The following MYRIP variants were observed in gnomAD, a reference collection of about 807,000 sequenced individuals.
MYRIP encodes rab effector MyRIP.
Under a neutral mutation model 98.0 loss-of-function variants are expected in MYRIP, and 49 were observed. The ratio of observed to expected loss-of-function variants is 0.50; its 90% confidence interval spans 0.40 to 0.63. The LOEUF (loss-of-function observed/expected upper bound fraction) is 0.63. Ranked by LOEUF, MYRIP falls within the 30% of genes least tolerant of loss-of-function variation. MYRIP has a pLI of 0.00. For missense variants in MYRIP, 1,004 were observed against 1,058.2 expected, an observed-to-expected ratio of 0.95 and a Z score of 0.71; for synonymous variants, 404 against 409.5, an observed-to-expected ratio of 0.99 and a Z score of 0.16.
intron 8 of MYRIP, among the ~76,000 whole-genome samples, chr3:40,170,363 T>G (rs914553501): frequency 2.1e-4 from 32 of 152,216 alleles, no homozygotes; most frequent in African/African-American, 7.5e-4. Context: ...GGCTGCATTT[T>G]TTTTTCATTC....
intron 5 of MYRIP, among the ~76,000 whole-genome samples, chr3:40,165,507 A>C (rs557821669): frequency 3.2e-4 from 48 of 152,316 alleles, no homozygotes; most frequent in African/African-American, 1.1e-3. Flanking sequence ...GGAGATTATA[A>C]ATGGAAACAG....
intron 2 of MYRIP, among the ~76,000 whole-genome samples, chr3:39,934,700 T>G (rs904601375): frequency 6.6e-6 from 1 of 152,212 alleles, no homozygotes; most frequent in Admixed American, 6.5e-5. Context: ...AGTGACTGAC[T>G]TATTCTTTCT....
chr3:39,983,772 C>T lies in MYRIP; in HGVS notation c.111-60278C>T, dbSNP rs532667152. On this transcript the variant is annotated intron_variant, in intron 2 of 16. Transcript: ENST00000302541. ...GCTCTAAGAAAAATAATAGTAGGGA[C>T]GCATTCTTTATAAAATACTTGAGAA... 1.3e-4 allele frequency among the ~76,000 whole-genome samples: 20 copies of T among 152,084 alleles called. 1 individual carries two copies. The highest frequency in any genetic ancestry group is 1.7e-4 in the African/African-American group (7 of 41,406).
At chr3:40,021,035 A>C (rs1345389680) in intron 2 of MYRIP, among the ~76,000 whole-genome samples, 1 of 152,174 alleles carries the variant, frequency 6.6e-6, no homozygotes, top group Non-Finnish European at 1.5e-5. Flanking sequence ...AATTCTGCCA[A>C]ATGCCTCACA....
At chr3:40,148,042 A>T (rs754731784) in intron 3 of MYRIP, among the ~76,000 whole-genome samples, 1 of 152,194 alleles carries the variant, frequency 6.6e-6, no homozygotes, top group Non-Finnish European at 1.5e-5. Context: ...TCTTGTGATG[A>T]TGGTTTGGCT....
intron 3 of MYRIP, among the ~76,000 whole-genome samples, chr3:40,110,967 C>T (rs567704152): frequency 2.0e-5 from 3 of 151,140 alleles, no homozygotes; most frequent in South Asian, 2.1e-4. Context: ...AGATCAATTG[C>T]GCATCTTAAT....
intron 2 of MYRIP, among the ~76,000 whole-genome samples, chr3:39,943,555 C>T (rs1313734682): frequency 6.6e-6 from 1 of 152,040 alleles, no homozygotes; most frequent in East Asian, 1.9e-4. Flanking sequence ...GCTTTCCTGT[C>T]TGTTTTCCAT....
chr3:40,126,184 T>A (rs1446811576), intron 3 of MYRIP, among the ~76,000 whole-genome samples: 1 of 152,146 alleles, frequency 6.6e-6, no homozygotes, highest in African/African-American at 2.4e-5. Flanking sequence ...ACTCGCAGCA[T>A]CACATCACCT....
In MYRIP at chr3:40,204,031, ATTATATAT is replaced by A. The variant is rs1951688900; in HGVS notation, c.1666-5821_1666-5814del. On this transcript the variant is annotated intron_variant, in intron 10 of 16. Transcript: ENST00000302541. ...ATTATATATAATATATATTATATAT[ATTATATAT>A]TATATATAATATATTTATATATAAT... is the stretch of plus-strand genomic sequence containing the variant. 3.2e-4 allele frequency among the ~76,000 whole-genome samples: 2 copies of A among 6,266 alleles called. 1 individual carries two copies. Among genetic ancestry groups the A allele is most frequent in the Non-Finnish European group, 7.3e-4 (2 of 2,736 alleles). 4.1% of individuals were successfully genotyped at this position (6,266 alleles called of 152,430 possible). A position where few individuals can be genotyped will look rare whatever the true frequency, so the allele number is the denominator to read the frequency against.
At chr3:40,225,972 G>A (rs1952477446) in intron 11 of MYRIP, among the ~76,000 whole-genome samples, 1 of 152,034 alleles carries the variant, frequency 6.6e-6, no homozygotes, top group African/African-American at 2.4e-5. Context: ...GTCCCTAATA[G>A]TTCCCCCTAA....
chr3:39,815,025 A>G (rs1470105151), intron 1 of MYRIP, among the ~76,000 whole-genome samples: 2 of 152,208 alleles, frequency 1.3e-5, no homozygotes, highest in Non-Finnish European at 2.9e-5. Context: ...GTCACATACT[A>G]TACAATTCAC....
At chr3:39,952,858 A>G (rs1945059884) in intron 2 of MYRIP, among the ~76,000 whole-genome samples, 1 of 152,146 alleles carries the variant, frequency 6.6e-6, no homozygotes, top group South Asian at 2.1e-4. Context: ...GCCACTGAGT[A>G]TGTGTGCAGC....
intron 1 of MYRIP, among the ~76,000 whole-genome samples, chr3:39,891,646 G>A (rs530368094): frequency 6.6e-4 from 101 of 152,146 alleles, no homozygotes; most frequent in African/African-American, 2.2e-3. Flanking sequence ...TTGAAAAGTT[G>A]CATCAGTTCA....
intron 3 of MYRIP, among the ~76,000 whole-genome samples, chr3:40,045,062 G>A (rs1043230974): frequency 6.6e-5 from 10 of 152,146 alleles, no homozygotes; most frequent in African/African-American, 2.2e-4. Context: ...CTTCCAAAAT[G>A]CCTGTTAATG....
intron 2 of MYRIP, among the ~76,000 whole-genome samples, chr3:40,020,112 CATAG>C (rs1490209688): frequency 6.6e-6 from 1 of 152,068 alleles, no homozygotes; most frequent in Non-Finnish European, 1.5e-5. Context: ...GCATAGTACC[CATAG>C]ATAGTTTTTC....
chr3:39,855,673 C>A (rs546748916), intron 1 of MYRIP, among the ~76,000 whole-genome samples: 1 of 152,106 alleles, frequency 6.6e-6, no homozygotes, highest in East Asian at 1.9e-4. Context: ...TTGGTGAGGC[C>A]GGTCTCACTC....
At chr3:40,173,062 G>A (rs1431294376) in intron 8 of MYRIP, 1 of 152,156 alleles carries the variant, frequency 6.6e-6, no homozygotes, top group Non-Finnish European at 1.5e-5. Flanking sequence ...TATGGGAAGG[G>A]GGTCATCACA....
chr3:40,046,947 A>G (rs1278035767), intron 3 of MYRIP, among the ~76,000 whole-genome samples: 1 of 152,238 alleles, frequency 6.6e-6, no homozygotes, highest in Non-Finnish European at 1.5e-5. Context: ...GAGTGCAGTC[A>G]CAGCCTGTCA....
Position 39,843,553 on chromosome 3 carries a change from GAT to G in MYRIP, c.-31+33640_-31+33641del, listed in dbSNP as rs538241062. 7.1e-3 allele frequency among the ~76,000 whole-genome samples: 1,083 copies of G among 152,282 alleles called. 6 individuals carry two copies. The highest frequency in any genetic ancestry group is 0.024 in the Middle Eastern group (7 of 294). ...TGGCCAGTCTACCATTTCATCAAGT[GAT>G]ATGTTACCTTGGTGAGACTAATGCA... On this transcript the variant is annotated intron_variant, in intron 1 of 16. Coordinates refer to ENST00000302541, the MANE Select transcript of MYRIP (RefSeq NM_015460.4).
Sources: gnomAD v4.1 joint callset for allele counts (sites outside exome capture counted in the v4.1 genomes callset) on GRCh38, gnomAD v4.1.1 for gene constraint, MANE v1.5 for transcripts, NCBI Gene and HGNC (gene_info 2026-07-23, HGNC 2026-07-21) for gene names.